STXBP5L: variants seen among roughly 807,000 people sequenced by gnomAD.
STXBP5L encodes the protein syntaxin-binding protein 5-like.
Under a neutral mutation model 144.5 loss-of-function variants are expected in STXBP5L, and 65 were observed. That is an observed-to-expected ratio of 0.45 (90% CI 0.37 to 0.55). The LOEUF (loss-of-function observed/expected upper bound fraction) is 0.55, where lower values mean the gene tolerates loss of function less well. Among genes scored for constraint, STXBP5L ranks in the 20% least tolerant of loss-of-function variants. The pLI is 0.00. For missense variants in STXBP5L, 1,298 were observed against 1,405.5 expected, an observed-to-expected ratio of 0.92 and a Z score of 1.22; for synonymous variants, 505 against 469.6, an observed-to-expected ratio of 1.08 and a Z score of -0.97.
At chr3:121,011,979 C>T (rs1028164699) in intron 3 of STXBP5L, among the ~76,000 whole-genome samples, 2 of 151,764 alleles carry the variant, frequency 1.3e-5, no homozygotes, top group Non-Finnish European at 2.9e-5. Flanking sequence ...CTATTTCCCC[C>T]AAATCCTCCT....
chr3:121,313,020 C>T, intron 19 of STXBP5L, among the ~76,000 whole-genome samples: 1 of 151,874 alleles, frequency 6.6e-6, no homozygotes, highest in Admixed American at 6.5e-5. Context: ...GGGCTCCTCA[C>T]TTCCCAGTAG....
chr3:121,218,148 A>G (rs1021902111), intron 10 of STXBP5L, among the ~76,000 whole-genome samples: 3 of 141,534 alleles, frequency 2.1e-5, no homozygotes, highest in African/African-American at 5.2e-5. Context: ...AATGTAATGT[A>G]ATATATAGTA....
chr3:120,957,768 G>C (rs1025642299), intron 3 of STXBP5L, among the ~76,000 whole-genome samples: 7 of 151,976 alleles, frequency 4.6e-5, no homozygotes, highest in African/African-American at 1.7e-4. Flanking sequence ...AGTGTGTAGA[G>C]GGAAATTTAT....
chr3:121,359,557 T>C (rs2045639827), intron 20 of STXBP5L, among the ~76,000 whole-genome samples: 1 of 152,142 alleles, frequency 6.6e-6, no homozygotes, highest in Non-Finnish European at 1.5e-5. Flanking sequence ...TACCCCAATC[T>C]TGTAGTAGTT....
chr3:120,980,604 A>C (rs1253617373), intron 3 of STXBP5L, among the ~76,000 whole-genome samples: 2 of 152,038 alleles, frequency 1.3e-5, no homozygotes, highest in Non-Finnish European at 2.9e-5. Flanking sequence ...TTTATGAGTT[A>C]GGTGGGTTTC....
chr3:121,009,748 T>C (rs1944629654), intron 3 of STXBP5L, among the ~76,000 whole-genome samples: 2 of 151,950 alleles, frequency 1.3e-5, no homozygotes, highest in African/African-American at 2.4e-5. Flanking sequence ...ATCATGTTTT[T>C]GCTATTGTGC....
At chr3:121,010,213 A>C (rs981045849) in intron 3 of STXBP5L, among the ~76,000 whole-genome samples, 1 of 151,814 alleles carries the variant, frequency 6.6e-6, no homozygotes, top group Non-Finnish European at 1.5e-5. Flanking sequence ...TCAGCAGTAC[A>C]TAATTATTTA....
chr3:121,185,440 G>A (rs377132734), intron 9 of STXBP5L, among the ~76,000 whole-genome samples: 1 of 152,134 alleles, frequency 6.6e-6, no homozygotes, highest in Non-Finnish European at 1.5e-5. Context: ...GGTCTGACAT[G>A]TAAGTCTTTA....
Position 120,909,622 on chromosome 3 carries a change from C to G in STXBP5L, c.44C>G (p.Ala15Gly). Residue 15 changes from alanine (A) to glycine (G), a missense_variant, in exon 2 of 27, where the codon GCC (alanine) becomes GGC (glycine). Transcript: ENST00000471454. ...NFRKVLDGLT[A>G]SSPGSGSSSG... ...CGAAAAGTTTTGGATGGCTTAACTG[C>G]CTCCTCCCCTGGCAGTGGTAGCAGC... is the stretch of plus-strand genomic sequence containing the variant. 1 of 1,613,394 alleles carries G rather than the reference C, an allele frequency of 6.2e-7. No homozygotes were observed. The highest frequency in any genetic ancestry group is 1.3e-5 in the African/African-American group (1 of 74,918).
chr3:121,237,919 C>A (rs900223076), intron 12 of STXBP5L, among the ~76,000 whole-genome samples: 17 of 152,160 alleles, frequency 1.1e-4, no homozygotes, highest in African/African-American at 3.9e-4. Flanking sequence ...CTGTCTGAGA[C>A]CTCATTAGCA....
At chr3:120,912,031 T>C (rs1344240055) in intron 2 of STXBP5L, among the ~76,000 whole-genome samples, 1 of 152,028 alleles carries the variant, frequency 6.6e-6, no homozygotes. Flanking sequence ...AAATCTAGAC[T>C]TGGCTGTTTG....
intron 7 of STXBP5L, among the ~76,000 whole-genome samples, chr3:121,123,888 A>T (rs778932792): frequency 1.5e-4 from 23 of 151,650 alleles, no homozygotes; most frequent in Admixed American, 1.5e-3. Context: ...ATGCAGTTTT[A>T]TCAGTCTTTT....
chr3:121,293,963 G>A (rs2051547454), intron 19 of STXBP5L, among the ~76,000 whole-genome samples: 1 of 152,220 alleles, frequency 6.6e-6, no homozygotes, highest in African/African-American at 2.4e-5. Context: ...ACATAGTCAT[G>A]CGGAAGAGAA....
chr3:121,198,043 C>T (rs1046353601), intron 9 of STXBP5L, among the ~76,000 whole-genome samples: 1 of 152,072 alleles, frequency 6.6e-6, no homozygotes, highest in Admixed American at 6.6e-5. Context: ...ATGGTGTTTC[C>T]GGTTCTAGAT....
chr3:121,112,632 T>A (rs2044043333), intron 5 of STXBP5L, among the ~76,000 whole-genome samples: 2 of 151,966 alleles, frequency 1.3e-5, no homozygotes, highest in African/African-American at 4.8e-5. Flanking sequence ...GCAACAATAC[T>A]TTTTTTATAA....
chr3:121,164,044 G>A (rs1222719603), intron 9 of STXBP5L, among the ~76,000 whole-genome samples: 1 of 151,940 alleles, frequency 6.6e-6, no homozygotes, highest in East Asian at 1.9e-4. Flanking sequence ...TCTTTTAATC[G>A]TTTAATAAAT....
intron 2 of STXBP5L, among the ~76,000 whole-genome samples, chr3:120,927,930 T>C (rs1053208803): frequency 3.9e-5 from 6 of 152,180 alleles, no homozygotes; most frequent in Non-Finnish European, 8.8e-5. Flanking sequence ...TTTACAGTGC[T>C]CATATATTTT....
At chr3:120,953,478 G>A (rs542907092) in intron 2 of STXBP5L, among the ~76,000 whole-genome samples, 2 of 150,638 alleles carry the variant, frequency 1.3e-5, no homozygotes, top group South Asian at 2.1e-4. Flanking sequence ...GCAGGTGTGC[G>A]CCATCATGCC....
At chr3:121,179,957 A>G (rs1197191126) in intron 9 of STXBP5L, among the ~76,000 whole-genome samples, 1 of 152,210 alleles carries the variant, frequency 6.6e-6, no homozygotes, top group Non-Finnish European at 1.5e-5. Flanking sequence ...GGCCAAACCT[A>G]AGAATAATTG....
Sources: gnomAD v4.1 joint callset for allele counts (sites outside exome capture counted in the v4.1 genomes callset) on GRCh38, gnomAD v4.1.1 for gene constraint, MANE v1.5 for transcripts, NCBI Gene and HGNC (gene_info 2026-07-23, HGNC 2026-07-21) for gene names.